Variants in CDH11 observed in about 807,000 individuals in gnomAD.
The protein encoded by CDH11 is cadherin-11.
In CDH11, 11 loss-of-function variants were observed where a neutral mutation model predicts 67.8. That is an observed-to-expected ratio of 0.16 (90% confidence interval 0.10 to 0.27). The LOEUF (loss-of-function observed/expected upper bound fraction) is 0.27. CDH11 is among the 10% of genes least tolerant of loss of function. The pLI is 1.00. For synonymous variants in CDH11, 419 were observed against 400.0 expected, an observed-to-expected ratio of 1.05 and a Z score of -0.57; for missense variants, 847 against 1,031.2, an observed-to-expected ratio of 0.82 and a Z score of 2.45.
At chr16:64,989,167 G>A (rs1222850453) in intron 6 of CDH11, among the ~76,000 whole-genome samples, 1 of 152,080 alleles carries the variant, frequency 6.6e-6, no homozygotes, top group Non-Finnish European at 1.5e-5. Context: ...AGGGTAAAAG[G>A]GTGAGGGTTC....
chr16:64,968,289 G>A (rs1190759423), intron 11 of CDH11: 1 of 315,836 alleles, frequency 3.2e-6, no homozygotes, highest in African/African-American at 2.2e-5. Context: ...GACATGAGAA[G>A]GTTTTATAAA....
intron 5 of CDH11, 122 bp downstream of exon 5, chr16:64,992,793 A>C: frequency 1.2e-6 from 1 of 848,680 alleles, no homozygotes; most frequent in Non-Finnish European, 1.8e-6. Context: ...CACTAACCCT[A>C]TAGGGTAGCC....
intron 11 of CDH11, among the ~76,000 whole-genome samples, chr16:64,965,381 C>T (rs1039959734): frequency 7.9e-5 from 12 of 151,720 alleles, no homozygotes; most frequent in Non-Finnish European, 1.5e-4. Flanking sequence ...GACTCCATCT[C>T]GAAAAAAAAC....
chr16:65,026,974 G>A (rs1479270263), intron 2 of CDH11, among the ~76,000 whole-genome samples: 1 of 152,186 alleles, frequency 6.6e-6, no homozygotes. Flanking sequence ...AGCTCTGTAA[G>A]ATCTTATAAG....
chr16:65,071,196 G>T (rs1287617659), intron 1 of CDH11, among the ~76,000 whole-genome samples: 1 of 152,180 alleles, frequency 6.6e-6, no homozygotes, highest in Non-Finnish European at 1.5e-5. Context: ...AAAATGAAAG[G>T]AGGTCAAGGC....
chr16:65,121,591 G>C lies in CDH11; in HGVS notation c.-298+289C>G, dbSNP rs1266761432. On this transcript the variant is annotated intron_variant, in intron 1 of 12. Transcript: ENST00000268603. The surrounding 1 kb of genome is among the most constrained non-coding windows in gnomAD (Gnocchi z 4.1). ...TACAAACCCCCTCTGCTGTGGCCTCGGCGCAGACCCCACAGGAGGCCGGAG... is the reference window on the plus strand; with the variant it reads ...TACAAACCCCCTCTGCTGTGGCCTCCGCGCAGACCCCACAGGAGGCCGGAG... 6.6e-6 allele frequency among the ~76,000 whole-genome samples: 1 copy of C among 152,184 alleles called. No homozygotes were observed. The highest frequency in any genetic ancestry group is 1.5e-5 in the Non-Finnish European group (1 of 68,028).
chr16:65,111,686 C>T (rs1275890170), intron 1 of CDH11, among the ~76,000 whole-genome samples: 1 of 149,086 alleles, frequency 6.7e-6, no homozygotes, highest in African/African-American at 2.6e-5. Flanking sequence ...CACACACACA[C>T]ACACACACAC....
At chr16:65,027,171 C>T (rs910141913) in intron 2 of CDH11, among the ~76,000 whole-genome samples, 1 of 152,178 alleles carries the variant, frequency 6.6e-6, no homozygotes, top group Non-Finnish European at 1.5e-5. Context: ...TTAGTACTCA[C>T]ACCATAAAGG....
At chr16:65,061,814 T>G (rs776348880) in intron 1 of CDH11, among the ~76,000 whole-genome samples, 12 of 152,200 alleles carry the variant, frequency 7.9e-5, no homozygotes, top group Non-Finnish European at 1.5e-4. Flanking sequence ...TGGCTAAAAT[T>G]TATTGAGAAT....
At chr16:65,009,861 G>A (rs2073139734) in intron 2 of CDH11, among the ~76,000 whole-genome samples, 1 of 152,176 alleles carries the variant, frequency 6.6e-6, no homozygotes, top group African/African-American at 2.4e-5. Context: ...CAGCTCGAAA[G>A]GGAAGGATCA....
intron 1 of CDH11, among the ~76,000 whole-genome samples, chr16:65,096,112 A>G (rs2074886096): frequency 6.6e-6 from 1 of 152,228 alleles, no homozygotes; most frequent in African/African-American, 2.4e-5. Context: ...GATTGAATAC[A>G]TAATTCGATG....
intron 2 of CDH11, 79 bp from the exon 3 acceptor site, chr16:65,005,120 C>T (rs2073020187): frequency 7.9e-7 from 1 of 1,265,158 alleles, no homozygotes; most frequent in Non-Finnish European, 1.0e-6. Flanking sequence ...GCCTTCAGGA[C>T]TGGGCATGAG....
At chr16:65,054,490 C>T (rs942498387) in intron 1 of CDH11, among the ~76,000 whole-genome samples, 3 of 152,136 alleles carry the variant, frequency 2.0e-5, no homozygotes, top group African/African-American at 7.2e-5. Flanking sequence ...ATTGCATTTC[C>T]CCTACCCACA....
intron 1 of CDH11, among the ~76,000 whole-genome samples, chr16:65,102,974 C>T: frequency 6.6e-6 from 1 of 152,182 alleles, no homozygotes; most frequent in South Asian, 2.1e-4. Flanking sequence ...TCAATTCACC[C>T]ACAACAACTG....
chr16:64,995,902 A>T (rs1191606670), intron 4 of CDH11, among the ~76,000 whole-genome samples: 1 of 152,198 alleles, frequency 6.6e-6, no homozygotes, highest in South Asian at 2.1e-4. Context: ...TTCAACAAGT[A>T]AAAAAACAAT....
rs1417924068 is a variant in CDH11 at position 64,946,588 on chromosome 16, C to T, written c.*1015G>A. On this transcript the variant is annotated 3_prime_UTR_variant, in exon 13 of 13. Coordinates refer to ENST00000268603, the MANE Select transcript of CDH11 (RefSeq NM_001797.4). ...ACCAAGAATGTACAAAAAAGCTTTA[C>T]ATGATGTTACAGAATCTTGTCTGAA... The T allele has an allele frequency of 4.4e-5, 45 of 1,033,058 alleles. No individual in the cohort carries two copies. Among genetic ancestry groups the T allele is most frequent in the Non-Finnish European group, 5.2e-5 (45 of 858,842 alleles). 64.0% of individuals were successfully genotyped at this position (1,033,058 alleles called of 1,614,324 possible).
Position 64,945,575 on chromosome 16 carries a change from CA to C in CDH11, c.*2027del. 9.7e-7 allele frequency: 1 copy of C among 1,029,654 alleles called. No individual in the cohort carries two copies. The highest frequency in any genetic ancestry group is 1.2e-6 in the Non-Finnish European group (1 of 856,360). 63.8% of individuals were successfully genotyped at this position (1,029,654 alleles called of 1,614,324 possible). The stretch of plus-strand genomic sequence containing the variant: ...ATCTAGCAAAATATTCTTTGGATTA[CA>C]AAAACTATATAAAAAAATGAACACA... On this transcript the variant is annotated 3_prime_UTR_variant, in exon 13 of 13. Coordinates refer to ENST00000268603, the MANE Select transcript of CDH11 (RefSeq NM_001797.4).
At chr16:65,046,323 G>A (rs1392116515) in intron 2 of CDH11, among the ~76,000 whole-genome samples, 1 of 152,158 alleles carries the variant, frequency 6.6e-6, no homozygotes, top group South Asian at 2.1e-4. Context: ...TGGAGAGCAT[G>A]CTCACCTGCC....
intron 8 of CDH11, among the ~76,000 whole-genome samples, chr16:64,978,994 A>G (rs576293795): frequency 6.6e-6 from 1 of 152,290 alleles, no homozygotes; most frequent in African/African-American, 2.4e-5. Context: ...ATGGAATGAG[A>G]AAAAAATGCA....
Sources: allele counts gnomAD v4.1 joint callset (sites outside exome capture counted in the v4.1 genomes callset), GRCh38; gene constraint gnomAD v4.1.1; non-coding constraint Gnocchi (gnomAD v3.1); transcripts MANE v1.5; gene names NCBI Gene and HGNC (gene_info 2026-07-23, HGNC 2026-07-21).